NFIB: variants seen among roughly 807,000 people sequenced by gnomAD.
NFIB encodes nuclear factor 1 B-type.
A neutral mutation model predicts 61.5 loss-of-function variants in NFIB; 11 were observed. The observed-to-expected ratio is 0.18, with a 90% CI of 0.11 to 0.30. The LOEUF (loss-of-function observed/expected upper bound fraction) is 0.30, where lower values mean the gene tolerates loss of function less well. NFIB is among the 10% of genes least tolerant of loss of function. The probability of loss-of-function intolerance (pLI) is 1.00; values close to 1 mark genes in which losing one functional copy is unlikely to be tolerated. For missense variants in NFIB, 471 were observed against 608.9 expected (o/e 0.77, Z 2.38); for synonymous variants, 260 against 216.5 (o/e 1.20, Z -1.76).
chr9:14,286,586 C>T (rs1354820514), intron 2 of NFIB, among the ~76,000 whole-genome samples: 1 of 152,150 alleles, frequency 6.6e-6, no homozygotes, highest in East Asian at 1.9e-4. Flanking sequence ...TAATCACTAC[C>T]ATTACTCTTT....
chr9:14,525,323 G>A, the NFIB span, among the ~76,000 whole-genome samples: 2 of 152,170 alleles, frequency 1.3e-5, no homozygotes, highest in Non-Finnish European at 2.9e-5. Flanking sequence ...CAATGGTTGG[G>A]TTCTTGGGAA....
chr9:14,396,012 A>G (rs72700549), intron 1 of NFIB, among the ~76,000 whole-genome samples: 4,847 of 152,162 alleles, frequency 0.032, 136 homozygotes, highest in South Asian at 0.051. Context: ...CCGGCAGTGC[A>G]CTGTGCTTGC....
At chr9:14,250,416 A>C (rs1040194788) in intron 2 of NFIB, among the ~76,000 whole-genome samples, 5 of 152,210 alleles carry the variant, frequency 3.3e-5, no homozygotes, top group Non-Finnish European at 7.4e-5. Context: ...GGCAGAATTA[A>C]AGCCTTAGCT....
At chr9:14,370,902 C>T (rs2061350751) in intron 1 of NFIB, among the ~76,000 whole-genome samples, 1 of 152,174 alleles carries the variant, frequency 6.6e-6, no homozygotes, top group Non-Finnish European at 1.5e-5. Flanking sequence ...CAAGACCAGC[C>T]TGGCCAACGT....
chr9:14,455,615 A>G, the NFIB span, among the ~76,000 whole-genome samples: 1 of 152,206 alleles, frequency 6.6e-6, no homozygotes, highest in Non-Finnish European at 1.5e-5. Context: ...GGCAGACTGC[A>G]GAATGAACGG....
At chr9:14,350,685 C>A (rs984140119) in intron 1 of NFIB, among the ~76,000 whole-genome samples, 1 of 152,144 alleles carries the variant, frequency 6.6e-6, no homozygotes, top group Non-Finnish European at 1.5e-5. Flanking sequence ...AAAAAAAATT[C>A]CTCTTTCTTT....
the NFIB span, among the ~76,000 whole-genome samples, chr9:14,434,141 C>T: frequency 2.8e-4 from 43 of 152,206 alleles, 1 homozygote; most frequent in South Asian, 3.1e-3. Flanking sequence ...GCTGTGTTCC[C>T]GTAATTTCTA....
chr9:14,088,125 C>A lies in NFIB; in HGVS notation c.*184G>T. On this transcript the variant is annotated 3_prime_UTR_variant, in exon 11 of 11. Transcript: ENST00000380953. ...CTTTCTGCCTTTGTGTTGTTTTGTC[C>A]AGTCTTCCTCTTTTCCTTTTTTTTT... 7.7e-7 allele frequency: 1 copy of A among 1,300,800 alleles called. No individual in the cohort carries two copies. The highest frequency in any genetic ancestry group is 2.0e-5 in the South Asian group (1 of 49,980). 80.6% of individuals were successfully genotyped at this position (1,300,800 alleles called of 1,614,324 possible).
intron 10 of NFIB, among the ~76,000 whole-genome samples, chr9:14,109,911 CA>C (rs1473958708): frequency 6.6e-6 from 1 of 151,992 alleles, no homozygotes; most frequent in East Asian, 1.9e-4. Flanking sequence ...AAGCAGTTAG[CA>C]ACCAATGCCA....
chr9:14,404,861 G>T, the NFIB span, among the ~76,000 whole-genome samples: 1 of 152,194 alleles, frequency 6.6e-6, no homozygotes, highest in Non-Finnish European at 1.5e-5. Context: ...GGTGGTGCAA[G>T]CTTCCGTGTC....
At chr9:14,252,839 C>T (rs1478245703) in intron 2 of NFIB, among the ~76,000 whole-genome samples, 1 of 152,098 alleles carries the variant, frequency 6.6e-6, no homozygotes, top group South Asian at 2.1e-4. Flanking sequence ...AAATATTGCA[C>T]CCATGACGGT....
At position 14,097,371 on chromosome 9, in the gene NFIB, G is replaced by C. The variant is rs537065848; in HGVS notation, c.1468-9045C>G. On this transcript the variant is annotated intron_variant, in intron 10 of 10. Transcript: ENST00000380953. ...AAGTTGAGGATTTGAACACACTTTA[G>C]AGCTGACAGCTGAAAAGGAAATTCA... Among the ~76,000 whole-genome samples, 22 of 152,224 alleles carry C rather than the reference G, an allele frequency of 1.4e-4. No individual in the cohort carries two copies. The South Asian group carries it at 4.4e-3, about 30-fold the overall frequency.
chr9:14,124,038 C>T (rs2039314912), intron 7 of NFIB, among the ~76,000 whole-genome samples: 1 of 152,148 alleles, frequency 6.6e-6, no homozygotes, highest in Non-Finnish European at 1.5e-5. Context: ...CGTGGCCCCA[C>T]TCTCTCCCCA....
At chr9:14,510,299 A>G in the NFIB span, among the ~76,000 whole-genome samples, 1 of 152,226 alleles carries the variant, frequency 6.6e-6, no homozygotes, top group African/African-American at 2.4e-5. Flanking sequence ...GCAATATCTT[A>G]GGGCAGATGA....
At chr9:14,419,723 A>G in the NFIB span, among the ~76,000 whole-genome samples, 1 of 152,044 alleles carries the variant, frequency 6.6e-6, no homozygotes, top group Non-Finnish European at 1.5e-5. Flanking sequence ...GGAGGTATCC[A>G]CAACACCGAC....
At chr9:14,194,093 GC>G (rs1347608316) in intron 2 of NFIB, among the ~76,000 whole-genome samples, 1 of 152,012 alleles carries the variant, frequency 6.6e-6, no homozygotes, top group Non-Finnish European at 1.5e-5. Flanking sequence ...TATTTTTTAA[GC>G]CTGTGCCTGA....
chr9:14,407,370 A>G, the NFIB span, among the ~76,000 whole-genome samples: 30 of 152,308 alleles, frequency 2.0e-4, no homozygotes, highest in Non-Finnish European at 4.3e-4. Context: ...CTGGCCAGTT[A>G]TTTAGCATTG....
chr9:14,249,040 C>T (rs960530104), intron 2 of NFIB, among the ~76,000 whole-genome samples: 2 of 152,162 alleles, frequency 1.3e-5, no homozygotes, highest in African/African-American at 2.4e-5. Flanking sequence ...TGTATAACTT[C>T]AGTTTCTTAC....
intron 2 of NFIB, among the ~76,000 whole-genome samples, chr9:14,187,665 A>G (rs1173838518): frequency 6.6e-6 from 1 of 152,204 alleles, no homozygotes; most frequent in Non-Finnish European, 1.5e-5. Context: ...GAGATTAGGT[A>G]CAAAGAGTCA....
Sources: gnomAD v4.1 joint callset for allele counts (sites outside exome capture counted in the v4.1 genomes callset) on GRCh38, gnomAD v4.1.1 for gene constraint, MANE v1.5 for transcripts, NCBI Gene and HGNC (gene_info 2026-07-23, HGNC 2026-07-21) for gene names.